Variants in SGSM3 observed in about 807,000 individuals in gnomAD.
The protein encoded by SGSM3 is RUN and SH3 containing 3.
Under a neutral mutation model 100.5 loss-of-function variants are expected in SGSM3, and 96 were observed. That is an observed-to-expected ratio of 0.96 (90% CI 0.81 to 1.13). The LOEUF is 1.13. Ranked by LOEUF, SGSM3 falls within the 50% of genes most tolerant of loss-of-function variation. The pLI, the probability that SGSM3 is intolerant of heterozygous loss-of-function variation, is 0.00. For missense variants in SGSM3, 1,001 were observed against 1,015.8 expected (o/e 0.99, Z 0.20); for synonymous variants, 483 against 422.8 (o/e 1.14, Z -1.75).
In SGSM3 at chr22:40,409,756, G is replaced by T; in HGVS notation, c.2247G>T (p.Gly749=). 2.5e-6 allele frequency: 4 copies of T among 1,607,138 alleles called. No homozygotes were observed. Among genetic ancestry groups the T allele is most frequent in the Non-Finnish European group, 3.4e-6 (4 of 1,179,106 alleles). Residue 749 remains glycine, a synonymous_variant, in exon 22 of 22, where the codon GGG becomes GGT. Transcript: ENST00000248929. ...ACCTCTTCAGCTGGGATGTGGACGGGTGACCCCCTCCTCCCCAGCCCAACC... is the reference window on the plus strand; with the variant it reads ...ACCTCTTCAGCTGGGATGTGGACGGTTGACCCCCTCCTCCCCAGCCCAACC... The part of the protein sequence containing the change: ...KHHLFSWDVD[G]
intron 4 of SGSM3, among the ~76,000 whole-genome samples, chr22:40,402,826 T>C (rs912749507): frequency 1.3e-5 from 2 of 152,234 alleles, no homozygotes; most frequent in African/African-American, 4.8e-5. Flanking sequence ...TTTCTATAAC[T>C]GAGTCTCTAG....
chr22:40,409,702 G>A lies in SGSM3; in HGVS notation c.2193G>A (p.Glu731=), dbSNP rs1291446906. The change falls in exon 22 of 22, where the codon GAG becomes GAA. Residue 731 remains glutamate (E), a synonymous_variant. Coordinates refer to ENST00000248929, the MANE Select transcript of SGSM3 (RefSeq NM_015705.6). ...TGCAGGCGCAGCAGCCCCTGAAGGAGGGCGTCCGGGACATGCTGGTGAAGC... is the reference window on the plus strand; with the variant it reads ...TGCAGGCGCAGCAGCCCCTGAAGGAAGGCGTCCGGGACATGCTGGTGAAGC... ...AKREAQQPLK[E]GVRDMLVKHH... 1 of 1,613,152 alleles carries A rather than the reference G, an allele frequency of 6.2e-7. No homozygotes were observed. Among genetic ancestry groups the A allele is most frequent in the Non-Finnish European group, 8.5e-7 (1 of 1,179,806 alleles).
chr22:40,395,084 T>C (rs2049876390), intron 1 of SGSM3, among the ~76,000 whole-genome samples: 1 of 152,152 alleles, frequency 6.6e-6, no homozygotes, highest in African/African-American at 2.4e-5. Context: ...AAATTGCAGG[T>C]TCATGAAAGC....
In SGSM3 at chr22:40,410,273, A is replaced by AGAT. The variant is rs769299313; in HGVS notation, c.*516_*518dup. ...ACCCACCCCTTCCATGGACTGAATA[A>AGAT]GATGGACTAACAGGCCTGTGTTTTT... On this transcript the variant is annotated 3_prime_UTR_variant, in exon 22 of 22. Coordinates refer to ENST00000248929, the MANE Select transcript of SGSM3 (RefSeq NM_015705.6). 2.7e-4 allele frequency: 180 copies of AGAT among 672,512 alleles called. No individual in the cohort carries two copies. The highest frequency in any genetic ancestry group is 3.1e-4 in the Non-Finnish European group (163 of 523,170). The allele number at this position is 672,512 out of a possible 1,614,324, so 41.7% of individuals were successfully genotyped here. A position where few individuals can be genotyped will look rare whatever the true frequency, so the allele number is the denominator to read the frequency against.
intron 1 of SGSM3, among the ~76,000 whole-genome samples, chr22:40,394,797 G>A (rs910457164): frequency 2.6e-5 from 4 of 152,078 alleles, no homozygotes; most frequent in Admixed American, 2.0e-4. Flanking sequence ...TTATTCTCAT[G>A]TGAGCTGAAA....
chr22:40,406,909 T>C (rs1334703232), intron 10 of SGSM3, 108 bp from the exon 11 acceptor site: 2 of 1,171,134 alleles, frequency 1.7e-6, no homozygotes, highest in African/African-American at 3.1e-5. Context: ...TTTCAATTCT[T>C]GGAGCCAGCG....
Position 40,410,249 on chromosome 22 carries a change from CCCACCCCTT to C in SGSM3, c.*494_*502del, listed in dbSNP as rs975983787. 5 of 917,940 alleles carry C rather than the reference CCCACCCCTT, an allele frequency of 5.4e-6. No homozygotes were observed. The African/African-American group carries it at 8.7e-5, about 16-fold the overall frequency. 56.9% of individuals were successfully genotyped at this position (917,940 alleles called of 1,614,324 possible). A position where few individuals can be genotyped will look rare whatever the true frequency, so the allele number is the denominator to read the frequency against. The stretch of plus-strand genomic sequence containing the variant: ...ACAGACCCGGGACCCAGCTGTGCTA[CCCACCCCTT>C]CCATGGACTGAATAAGATGGACTAA... On this transcript the variant is annotated 3_prime_UTR_variant, in exon 22 of 22. Transcript: ENST00000248929.
At position 40,407,106 on chromosome 22, in the gene SGSM3, T is replaced by G; in HGVS notation, c.1240+35T>G. On this transcript the variant is annotated intron_variant, in intron 11 of 21. Coordinates refer to ENST00000248929, the MANE Select transcript of SGSM3 (RefSeq NM_015705.6). This position sits in a 1 kb window ranked among gnomAD's most constrained non-coding sequence, Gnocchi z 4.7. Reference sequence around the variant, plus strand: ...CTGCGAGTGCCAGGCAGTGTGGGCATGCGGGAGTCTGTCCTCACGCTCATG... The same window carrying G: ...CTGCGAGTGCCAGGCAGTGTGGGCAGGCGGGAGTCTGTCCTCACGCTCATG... The G allele has an allele frequency of 1.9e-6, 3 of 1,606,518 alleles. No homozygotes were observed. The highest frequency in any genetic ancestry group is 2.5e-6 in the Non-Finnish European group (3 of 1,176,602).
At chr22:40,404,490 A>G in intron 5 of SGSM3, 35 bp downstream of exon 5, 2 of 1,609,578 alleles carry the variant, frequency 1.2e-6, no homozygotes, top group Non-Finnish European at 1.7e-6. Context: ...GGGTGTTGAG[A>G]GGGTCCTGGC....
intron 1 of SGSM3, among the ~76,000 whole-genome samples, chr22:40,400,085 T>C (rs1344713978): frequency 2.0e-5 from 3 of 152,244 alleles, no homozygotes; most frequent in Non-Finnish European, 2.9e-5. Context: ...TCCCGATTTA[T>C]CTAGAATTCC....
chr22:40,401,816 CAT>C, intron 3 of SGSM3, 141 bp downstream of exon 3: 3 of 712,942 alleles, frequency 4.2e-6, no homozygotes, highest in Non-Finnish European at 7.5e-6. Context: ...ATCTTAGCCC[CAT>C]GTTTCCTGTG....
chr22:40,407,237 T>C lies in SGSM3; in HGVS notation c.1277T>C (p.Ile426Thr), dbSNP rs1265816261. The change falls in exon 12 of 22, where the codon ATC (isoleucine) becomes ACC (threonine). Residue 426 changes from isoleucine (I) to threonine (T), a missense_variant. Ile to Thr is a moderately conservative substitution (Grantham distance 89). Transcript: ENST00000248929. The surrounding 1 kb of genome is among the most constrained non-coding windows in gnomAD (Gnocchi z 4.7). Reference sequence around the variant, plus strand: ...CTGGAGGCACTCAAGGCCAAGAACATCAAGCAGACGGAACTGGTGGCTGAC... The same window carrying C: ...CTGGAGGCACTCAAGGCCAAGAACACCAAGCAGACGGAACTGGTGGCTGAC... ...DDLEALKAKN[I>T]KQTELVADLR... 1 of 1,613,624 alleles carries C rather than the reference T, an allele frequency of 6.2e-7. No homozygotes were observed. Among genetic ancestry groups the C allele is most frequent in the Admixed American group, 1.7e-5 (1 of 60,024 alleles).
rs750266208 is a variant in SGSM3, at chr22:40,407,395, CTG to C, written c.1369-14_1369-13del. The stretch of plus-strand genomic sequence containing the variant: ...AACTCCTCCAACCCCCTTGGTGGGC[CTG>C]TGTTCACTGTGGCAGGAGCTGACTC... On this transcript the variant is annotated splice_polypyrimidine_tract_variant and intron_variant, in intron 12 of 21. Coordinates refer to ENST00000248929, the MANE Select transcript of SGSM3 (RefSeq NM_015705.6). The surrounding 1 kb of genome is among the most constrained non-coding windows in gnomAD (Gnocchi z 4.7). 1 of 1,611,256 alleles carries C rather than the reference CTG, an allele frequency of 6.2e-7. No individual in the cohort carries two copies. Among genetic ancestry groups the C allele is most frequent in the Non-Finnish European group, 8.5e-7 (1 of 1,178,416 alleles).
chr22:40,406,491 G>A lies in SGSM3; in HGVS notation c.1014G>A (p.Ser338=), dbSNP rs369281504. Residue 338 remains serine, a synonymous_variant, in exon 10 of 22, where the codon TCG becomes TCA. Transcript: ENST00000248929. The part of the protein sequence containing the change: ...ENSASIFNTL[S]DIPSQMEDAE... Reference sequence around the variant, plus strand: ...CGGCCTCCATCTTCAACACGCTATCGGATATCCCGTCGCAGATGGAGGACG... The same window carrying A: ...CGGCCTCCATCTTCAACACGCTATCAGATATCCCGTCGCAGATGGAGGACG... 7.0e-5 allele frequency: 112 copies of A among 1,610,530 alleles called. No homozygotes were observed. The highest frequency in any genetic ancestry group is 1.8e-4 in the Middle Eastern group (1 of 5,616).
chr22:40,400,500 G>A (rs887735873), intron 1 of SGSM3, among the ~76,000 whole-genome samples, 196 bp from the exon 2 acceptor site: 6 of 152,078 alleles, frequency 3.9e-5, no homozygotes, highest in East Asian at 3.9e-4. Context: ...AAAATCAGCC[G>A]GGTGTGGTGG....
intron 1 of SGSM3, among the ~76,000 whole-genome samples, chr22:40,398,901 A>G (rs2050381572): frequency 7.1e-6 from 1 of 140,708 alleles, no homozygotes; most frequent in South Asian, 2.2e-4. Flanking sequence ...ACAGACGTGA[A>G]GTAAACTTGC....
intron 5 of SGSM3, 26 bp downstream of exon 5, chr22:40,404,481 G>A (rs1197842645): frequency 1.2e-6 from 2 of 1,609,024 alleles, no homozygotes; most frequent in South Asian, 2.2e-5. Context: ...GGACCCACAG[G>A]GTGTTGAGAG....
At position 40,402,128 on chromosome 22, in the gene SGSM3, C is replaced by T; in HGVS notation, c.91-11C>T. 2 of 1,611,356 alleles carry T rather than the reference C, an allele frequency of 1.2e-6. No individual in the cohort carries two copies. Among genetic ancestry groups the T allele is most frequent in the Non-Finnish European group, 8.5e-7 (1 of 1,177,464 alleles). The stretch of plus-strand genomic sequence containing the variant: ...GACAGGCAACTGACTTCAACCTCAT[C>T]CTGATTCTAGAAGGAAGAGTCAGCA... On this transcript the variant is annotated splice_polypyrimidine_tract_variant and intron_variant, in intron 3 of 21. Coordinates refer to ENST00000248929, the MANE Select transcript of SGSM3 (RefSeq NM_015705.6).
Position 40,409,515 on chromosome 22 carries a change from C to G in SGSM3, c.2162C>G (p.Ala721Gly), listed in dbSNP as rs147301442. 7 of 1,598,206 alleles carry G rather than the reference C, an allele frequency of 4.4e-6. No homozygotes were observed. The African/African-American group carries it at 8.1e-5, about 18-fold the overall frequency. Reference protein sequence around the residue: ...FSLSQDWELPAKREAQQPLKE... With the variant: ...FSLSQDWELPGKREAQQPLKE... ...CTCTCCCAGGACTGGGAGCTCCCTG[C>G]GAAGAGAGAGGTGGGTGGTGTGGGC... Residue 721 changes from alanine (A) to glycine (G), a missense_variant, in exon 21 of 22, where the codon GCG (alanine) becomes GGG (glycine). Physicochemically the swap from Ala to Gly is moderately conservative, Grantham distance 60. Transcript: ENST00000248929.
Sources: gnomAD v4.1 joint callset for allele counts (sites outside exome capture counted in the v4.1 genomes callset) on GRCh38, gnomAD v4.1.1 for gene constraint, Gnocchi (gnomAD v3.1) non-coding constraint, MANE v1.5 for transcripts, NCBI Gene and HGNC (gene_info 2026-07-23, HGNC 2026-07-21) for gene names.